Variants in KLF12 observed in about 807,000 individuals in gnomAD.
KLF12 encodes the protein KLF transcription factor 12.
KLF12 carries 9 observed loss-of-function variants against 37.8 expected under a neutral mutation model. The observed-to-expected ratio is 0.24, with a 90% CI of 0.14 to 0.42. The LOEUF (loss-of-function observed/expected upper bound fraction) is 0.42, where lower values mean the gene tolerates loss of function less well. Among genes scored for constraint, KLF12 ranks in the 10% least tolerant of loss-of-function variants. The pLI, the probability that KLF12 is intolerant of heterozygous loss-of-function variation, is 1.00. For missense variants in KLF12, 411 were observed against 516.0 expected (o/e 0.80, Z 1.97); for synonymous variants, 208 against 202.1 (o/e 1.03, Z -0.25).
At chr13:74,075,914 A>G (rs1874533921) in intron 1 of KLF12, among the ~76,000 whole-genome samples, 1 of 152,224 alleles carries the variant, frequency 6.6e-6, no homozygotes, top group Non-Finnish European at 1.5e-5. Flanking sequence ...TTTCAAACAC[A>G]ATTCTGACAT....
chr13:73,921,828 A>G (rs1286869932), intron 3 of KLF12, among the ~76,000 whole-genome samples: 1 of 152,170 alleles, frequency 6.6e-6, no homozygotes, highest in Admixed American at 6.6e-5. Context: ...GCTAACCCCT[A>G]TACAGTGCCC....
the KLF12 span, among the ~76,000 whole-genome samples, chr13:74,252,644 A>G: frequency 2.6e-5 from 4 of 152,228 alleles, no homozygotes; most frequent in Non-Finnish European, 5.9e-5. Flanking sequence ...GTGGCTCTAA[A>G]TCAAATTATT....
intron 3 of KLF12, among the ~76,000 whole-genome samples, chr13:73,879,078 C>G (rs1300171191): frequency 6.6e-6 from 1 of 152,062 alleles, no homozygotes; most frequent in East Asian, 1.9e-4. Context: ...TTCCACAGCC[C>G]ACAAGAAAAA....
intron 6 of KLF12, among the ~76,000 whole-genome samples, chr13:73,732,740 C>T (rs906022143): frequency 6.6e-6 from 1 of 151,984 alleles, no homozygotes; most frequent in Non-Finnish European, 1.5e-5. Flanking sequence ...TTTTGTATGT[C>T]ACTCAAATCT....
rs1425695423 is a variant in KLF12, at chr13:74,133,929, T to C, written c.-222A>G. ...CTCTCTGCAGTTCTCAGGAAATGAA[T>C]GGGGGGCAACCCGGGGAACTGTTGT... is the stretch of plus-strand genomic sequence containing the variant. On this transcript the variant is annotated 5_prime_UTR_variant, in exon 1 of 8. Transcript: ENST00000377669. Among the ~76,000 whole-genome samples, 1 of 151,902 alleles carries C rather than the reference T, an allele frequency of 6.6e-6. No homozygotes were observed. Among genetic ancestry groups the C allele is most frequent in the Non-Finnish European group, 1.5e-5 (1 of 67,950 alleles).
chr13:74,027,326 CCT>C (rs145407320), intron 1 of KLF12, among the ~76,000 whole-genome samples: 73 of 152,272 alleles, frequency 4.8e-4, no homozygotes, highest in African/African-American at 1.6e-3. Context: ...TCCCCCTCTC[CCT>C]TTTTTCATCA....
At chr13:74,020,264 C>G (rs1892807076) in intron 1 of KLF12, among the ~76,000 whole-genome samples, 1 of 152,108 alleles carries the variant, frequency 6.6e-6, no homozygotes, top group Non-Finnish European at 1.5e-5. Flanking sequence ...GCACGCAGTC[C>G]ATGCCAAGGA....
chr13:74,194,986 T>A, the KLF12 span, among the ~76,000 whole-genome samples: 1 of 152,164 alleles, frequency 6.6e-6, no homozygotes, highest in Non-Finnish European at 1.5e-5. Flanking sequence ...TTGTTTTGAC[T>A]TCTTAGGTGA....
chr13:74,124,813 T>C (rs1292127396), intron 1 of KLF12, among the ~76,000 whole-genome samples: 2 of 152,162 alleles, frequency 1.3e-5, no homozygotes, highest in Non-Finnish European at 2.9e-5. Flanking sequence ...TGCCAAAATA[T>C]GTTTTTAATT....
At chr13:73,938,685 A>C (rs1593757903) in intron 3 of KLF12, among the ~76,000 whole-genome samples, 1 of 152,308 alleles carries the variant, frequency 6.6e-6, no homozygotes, top group East Asian at 1.9e-4. Flanking sequence ...GAATAGCTTC[A>C]ACACCTTGTT....
chr13:73,738,090 T>C (rs1877610792), intron 6 of KLF12, among the ~76,000 whole-genome samples: 1 of 108,366 alleles, frequency 9.2e-6, no homozygotes, highest in African/African-American at 3.0e-5. Flanking sequence ...TATGTATGTG[T>C]ACATATATAT....
At chr13:73,784,517 A>AC (rs57440607) in intron 5 of KLF12, among the ~76,000 whole-genome samples, 26,015 of 150,722 alleles carry the variant, frequency 0.17, 2,557 homozygotes, top group African/African-American at 0.27. Context: ...AGCCTTGCTG[A>AC]CCCCCCACTC....
rs529488017 is a variant in KLF12, at chr13:73,884,005, C to T, written c.124-37632G>A. ...TCTGAGGTACCTTCTCCGAATTTAA[C>T]GCAGTTGGGAAAAACAGAAACATTT... On this transcript the variant is annotated intron_variant, in intron 3 of 7. Transcript: ENST00000377669. Among the ~76,000 whole-genome samples the T allele has an allele frequency of 2.6e-5, 4 of 152,242 alleles. No homozygotes were observed. In the South Asian group the frequency reaches 6.2e-4, roughly 24 times the overall value.
At chr13:74,240,073 G>T in the KLF12 span, among the ~76,000 whole-genome samples, 1 of 151,990 alleles carries the variant, frequency 6.6e-6, no homozygotes, top group Non-Finnish European at 1.5e-5. Context: ...ATTTTGCAGC[G>T]GCTGGTACCG....
At chr13:74,270,045 G>C in the KLF12 span, among the ~76,000 whole-genome samples, 1 of 152,154 alleles carries the variant, frequency 6.6e-6, no homozygotes, top group Non-Finnish European at 1.5e-5. Flanking sequence ...TGTAATCCTG[G>C]TTCCTACTAA....
chr13:74,135,929 C>A (rs1878540253), upstream of KLF12, among the ~76,000 whole-genome samples: 1 of 152,152 alleles, frequency 6.6e-6, no homozygotes, highest in South Asian at 2.1e-4. Flanking sequence ...ACTTCAGGCG[C>A]GGTGTGCGTT....
chr13:73,813,516 T>C (rs1322674858), intron 4 of KLF12, among the ~76,000 whole-genome samples: 5 of 152,122 alleles, frequency 3.3e-5, no homozygotes, highest in African/African-American at 7.2e-5. Context: ...TTTCAGGGTA[T>C]GGTTATAGAA....
At position 73,693,741 on chromosome 13, in the gene KLF12, T is replaced by C. The variant is rs992130409; in HGVS notation, c.*1749A>G. On this transcript the variant is annotated 3_prime_UTR_variant, in exon 8 of 8. Transcript: ENST00000377669. Reference sequence around the variant, plus strand: ...ATCAAGTGTTTGTAATTAAAATATATTGCAAAGGTCTTTGTTGGAGACCTT... The same window carrying C: ...ATCAAGTGTTTGTAATTAAAATATACTGCAAAGGTCTTTGTTGGAGACCTT... The C allele has an allele frequency of 6.6e-6, 1 of 152,578 alleles. No homozygotes were observed. The highest frequency in any genetic ancestry group is 6.5e-5 in the Admixed American group (1 of 15,278). The allele number at this position is 152,578 out of a possible 1,614,324, so 9.5% of individuals were successfully genotyped here.
the KLF12 span, among the ~76,000 whole-genome samples, chr13:74,276,153 A>G: frequency 1.2e-4 from 18 of 151,634 alleles, no homozygotes; most frequent in Non-Finnish European, 2.1e-4. Flanking sequence ...AACAGGCCCC[A>G]GTGTGTGATG....
Sources: allele counts gnomAD v4.1 joint callset (sites outside exome capture counted in the v4.1 genomes callset), GRCh38; gene constraint gnomAD v4.1.1; transcripts MANE v1.5; gene names NCBI Gene and HGNC (gene_info 2026-07-23, HGNC 2026-07-21).